The following ADGRL3 variants were observed in gnomAD, a reference collection of about 807,000 sequenced individuals.
ADGRL3 encodes the protein calcium-independent alpha-latrotoxin receptor 3.
ADGRL3 carries 62 observed loss-of-function variants against 153.5 expected under a neutral mutation model. The ratio of observed to expected loss-of-function variants is 0.40; its 90% CI spans 0.33 to 0.50. ADGRL3 has a LOEUF of 0.50. Ranked by LOEUF, ADGRL3 falls within the 20% of genes least tolerant of loss-of-function variation. The pLI is 0.47. For missense variants in ADGRL3, 1,641 were observed against 1,859.4 expected, an observed-to-expected ratio of 0.88 and a Z score of 2.16; for synonymous variants, 710 against 672.5, an observed-to-expected ratio of 1.06 and a Z score of -0.86.
At chr4:61,597,197 G>A (rs2098992572) in intron 5 of ADGRL3, among the ~76,000 whole-genome samples, 2 of 151,986 alleles carry the variant, frequency 1.3e-5, no homozygotes, top group South Asian at 4.1e-4. Context: ...GGACTCGTTC[G>A]TGTATTGAGA....
intron 6 of ADGRL3, among the ~76,000 whole-genome samples, chr4:61,712,962 T>TG (rs1346821102): frequency 6.6e-6 from 1 of 152,200 alleles, no homozygotes; most frequent in Non-Finnish European, 1.5e-5. Context: ...CAGTCAAACA[T>TG]GGGGGTATGA....
intron 1 of ADGRL3, among the ~76,000 whole-genome samples, chr4:61,247,148 T>A (rs1328288357): frequency 1.3e-5 from 2 of 151,298 alleles, no homozygotes. Flanking sequence ...AGCAGTCACT[T>A]TTTTTTTAGC....
At chr4:61,868,956 G>T (rs139094633) in intron 9 of ADGRL3, among the ~76,000 whole-genome samples, 1 of 152,106 alleles carries the variant, frequency 6.6e-6, no homozygotes, top group African/African-American at 2.4e-5. Flanking sequence ...CTTGAGACAG[G>T]GTCTCTATAT....
intron 1 of ADGRL3, among the ~76,000 whole-genome samples, chr4:61,218,790 A>G (rs1379188042): frequency 2.0e-5 from 3 of 152,358 alleles, no homozygotes; most frequent in Middle Eastern, 3.4e-3. Flanking sequence ...CTCAGAGGTT[A>G]GAGAACCTGG....
At chr4:61,352,165 G>T (rs1196174995) in intron 1 of ADGRL3, among the ~76,000 whole-genome samples, 1 of 152,156 alleles carries the variant, frequency 6.6e-6, no homozygotes, top group Non-Finnish European at 1.5e-5. Context: ...GACTTCAGTG[G>T]AGGAAGTAAC....
intron 4 of ADGRL3, among the ~76,000 whole-genome samples, chr4:61,540,174 A>G (rs2098681374): frequency 1.3e-5 from 2 of 152,212 alleles, no homozygotes; most frequent in African/African-American, 2.4e-5. Flanking sequence ...CAGGCTAAAT[A>G]TTTCAGCTCA....
chr4:61,819,008 G>A (rs1335846423), intron 9 of ADGRL3, among the ~76,000 whole-genome samples: 1 of 152,160 alleles, frequency 6.6e-6, no homozygotes, highest in Non-Finnish European at 1.5e-5. Flanking sequence ...ATGAGGTAGA[G>A]TTGGTATAAT....
intron 1 of ADGRL3, among the ~76,000 whole-genome samples, chr4:61,359,181 T>A (rs1034448540): frequency 6.6e-6 from 1 of 152,224 alleles, no homozygotes; most frequent in Non-Finnish European, 1.5e-5. Context: ...CTGCTGATAC[T>A]TTGCAACCAA....
intron 15 of ADGRL3, among the ~76,000 whole-genome samples, chr4:61,936,856 T>C (rs1194111672): frequency 6.6e-6 from 1 of 150,912 alleles, no homozygotes; most frequent in Non-Finnish European, 1.5e-5. Flanking sequence ...GATCATTTAA[T>C]CTGCCAAGTG....
chr4:61,733,349 T>C lies in ADGRL3; in HGVS notation c.1194T>C (p.Asp398=). The change falls in exon 8 of 27, where the codon GAT becomes GAC. Residue 398 remains aspartate (D), a synonymous_variant. Transcript: ENST00000683033. ...LYVVKSVYED[D]DNEATGNKID... Reference sequence around the variant, plus strand: ...TGGTCAAATCTGTATATGAGGATGATGACAATGAGGCTACTGGAAATAAGA... The same window carrying C: ...TGGTCAAATCTGTATATGAGGATGACGACAATGAGGCTACTGGAAATAAGA... 1.2e-6 allele frequency: 2 copies of C among 1,613,702 alleles called. No homozygotes were observed. The highest frequency in any genetic ancestry group is 8.5e-7 in the Non-Finnish European group (1 of 1,179,812).
chr4:62,044,277 T>C (rs1729918139), intron 24 of ADGRL3, among the ~76,000 whole-genome samples, 176 bp from the exon 25 acceptor site: 1 of 152,090 alleles, frequency 6.6e-6, no homozygotes, highest in South Asian at 2.1e-4. Flanking sequence ...CCATATATTA[T>C]CATGAAAGTT....
At chr4:61,520,897 C>T (rs1213413924) in intron 4 of ADGRL3, among the ~76,000 whole-genome samples, 1 of 151,928 alleles carries the variant, frequency 6.6e-6, no homozygotes, top group African/African-American at 2.4e-5. Context: ...TTATAAGTGA[C>T]TGTCAGCCTG....
intron 23 of ADGRL3, 85 bp downstream of exon 23, chr4:62,031,695 C>G (rs1488827108): frequency 7.8e-6 from 7 of 900,066 alleles, no homozygotes; most frequent in Non-Finnish European, 4.9e-6. Context: ...ATATATTATT[C>G]TTGATATGTT....
intron 25 of ADGRL3, among the ~76,000 whole-genome samples, chr4:62,062,466 G>A (rs1009553338): frequency 4.6e-5 from 7 of 151,898 alleles, no homozygotes; most frequent in Non-Finnish European, 8.8e-5. Context: ...ACATATACCT[G>A]TCAGTTCAAC....
At chr4:61,560,018 T>G (rs981846255) in intron 4 of ADGRL3, among the ~76,000 whole-genome samples, 4 of 152,076 alleles carry the variant, frequency 2.6e-5, no homozygotes, top group African/African-American at 9.7e-5. Flanking sequence ...GTACTAATCC[T>G]TCAAGATTAA....
At chr4:62,026,828 A>T (rs1461043270) in intron 21 of ADGRL3, among the ~76,000 whole-genome samples, 2 of 152,056 alleles carry the variant, frequency 1.3e-5, no homozygotes, top group Non-Finnish European at 2.9e-5. Flanking sequence ...CAAACAAAAA[A>T]TTGATAACTA....
intron 3 of ADGRL3, 148 bp downstream of exon 3, chr4:61,497,496 G>A (rs1173731579): frequency 2.7e-5 from 13 of 473,046 alleles, no homozygotes; most frequent in Admixed American, 4.5e-5. Context: ...AGAACATAAT[G>A]TGTATTTCCT....
intron 6 of ADGRL3, among the ~76,000 whole-genome samples, chr4:61,707,966 T>C (rs1204547098): frequency 6.6e-6 from 1 of 152,128 alleles, no homozygotes; most frequent in East Asian, 1.9e-4. Flanking sequence ...GCTTTTATTC[T>C]CTCTCTTCTT....
At chr4:61,507,129 T>C (rs1297658247) in intron 3 of ADGRL3, among the ~76,000 whole-genome samples, 1 of 152,174 alleles carries the variant, frequency 6.6e-6, no homozygotes, top group Non-Finnish European at 1.5e-5. Flanking sequence ...ATGATCATTT[T>C]TCTTCTTTTT....
Sources: allele counts gnomAD v4.1 joint callset (sites outside exome capture counted in the v4.1 genomes callset), GRCh38; gene constraint gnomAD v4.1.1; transcripts MANE v1.5; gene names NCBI Gene and HGNC (gene_info 2026-07-23, HGNC 2026-07-21).